Variants in BRSK2 observed in about 807,000 individuals in gnomAD.
BRSK2 encodes the protein BR serine/threonine kinase 2, also known as serine/threonine-protein kinase BRSK2.
A neutral mutation model predicts 83.3 loss-of-function variants in BRSK2; 19 were observed. The ratio of observed to expected loss-of-function variants is 0.23; its 90% CI spans 0.16 to 0.33. The LOEUF is 0.33. Ranked by LOEUF, BRSK2 falls within the 10% of genes least tolerant of loss-of-function variation. The pLI is 1.00. For synonymous variants in BRSK2, 519 were observed against 435.4 expected (o/e 1.19, Z -2.39); for missense variants, 798 against 1,042.3 (o/e 0.77, Z 3.23).
intron 1 of BRSK2, among the ~76,000 whole-genome samples, chr11:1,435,652 T>A (rs1590509478): frequency 9.3e-6 from 1 of 107,064 alleles, no homozygotes; most frequent in East Asian, 2.6e-4. Flanking sequence ...AGGCTGCAGG[T>A]GGGGGTCTCG....
intron 1 of BRSK2, among the ~76,000 whole-genome samples, chr11:1,421,163 C>T (rs545469689): frequency 4.6e-5 from 7 of 152,288 alleles, no homozygotes; most frequent in South Asian, 2.1e-4. Context: ...TCCCAGGCTG[C>T]GCTTCGGAGG....
intron 1 of BRSK2, chr11:1,411,214 G>A: frequency 8.0e-7 from 1 of 1,248,272 alleles, no homozygotes; most frequent in South Asian, 3.7e-5. Flanking sequence ...GGGGAGAGCG[G>A]GTTCTGGACG....
intron 1 of BRSK2, among the ~76,000 whole-genome samples, chr11:1,406,032 C>T (rs1846852724): frequency 3.3e-5 from 5 of 152,182 alleles, no homozygotes. Context: ...AACCTCCCAA[C>T]TCTGTCCCAG....
chr11:1,417,196 T>G (rs1440398010), intron 1 of BRSK2, among the ~76,000 whole-genome samples: 1 of 152,060 alleles, frequency 6.6e-6, no homozygotes, highest in Non-Finnish European at 1.5e-5. Context: ...TTTTCCCTAT[T>G]TGCTCTTTCC....
intron 16 of BRSK2, among the ~76,000 whole-genome samples, chr11:1,455,195 G>A (rs1268318917): frequency 6.6e-6 from 1 of 152,110 alleles, no homozygotes; most frequent in Non-Finnish European, 1.5e-5. Context: ...GCCTCAAATG[G>A]AGAAAGTTTA....
chr11:1,428,340 C>A (rs568405030), intron 1 of BRSK2, among the ~76,000 whole-genome samples: 3 of 152,200 alleles, frequency 2.0e-5, no homozygotes, highest in Non-Finnish European at 2.9e-5. Flanking sequence ...GCAGGCCCAC[C>A]CCCAGTGGCT....
At chr11:1,447,328 C>T (rs1169343269) in intron 12 of BRSK2, among the ~76,000 whole-genome samples, 2 of 152,216 alleles carry the variant, frequency 1.3e-5, no homozygotes, top group African/African-American at 2.4e-5. Context: ...CAGGCCCCAC[C>T]ACCCCACTGC....
chr11:1,459,162 C>A (rs373841584), intron 18 of BRSK2, 30 bp from the exon 19 acceptor site: 109 of 1,609,586 alleles, frequency 6.8e-5, no homozygotes, highest in South Asian at 4.4e-4. Context: ...TCACTCACTC[C>A]CTCCCTCCTC....
chr11:1,452,103 C>A (rs932388628), intron 15 of BRSK2, among the ~76,000 whole-genome samples: 1 of 152,216 alleles, frequency 6.6e-6, no homozygotes, highest in Non-Finnish European at 1.5e-5. Flanking sequence ...CGGCAGAGAG[C>A]GGCGGTCAGG....
chr11:1,459,214 G>A lies in BRSK2; in HGVS notation c.1962G>A (p.Met654Ile). 6.2e-7 allele frequency: 1 copy of A among 1,613,878 alleles called. No individual in the cohort carries two copies. The highest frequency in any genetic ancestry group is 8.5e-7 in the Non-Finnish European group (1 of 1,179,880). The change falls in exon 19 of 20, where the codon ATG (methionine) becomes ATA (isoleucine). Residue 654 changes from methionine to isoleucine, a missense_variant. Met to Ile is a conservative substitution (Grantham distance 10). Coordinates refer to ENST00000528841, the MANE Select transcript of BRSK2 (RefSeq NM_001256627.2). Reference protein sequence around the residue: ...HLSDTTNCMEMMTGRLSKCGS... With the variant: ...HLSDTTNCMEIMTGRLSKCGS... ...CAGACACCACTAACTGTATGGAAATGATGACGGGGCGGCTTTCCAAATGTG... is the reference window on the plus strand; with the variant it reads ...CAGACACCACTAACTGTATGGAAATAATGACGGGGCGGCTTTCCAAATGTG...
At chr11:1,451,466 G>C in intron 15 of BRSK2, 47 bp downstream of exon 15, 1 of 1,596,258 alleles carries the variant, frequency 6.3e-7, no homozygotes, top group Non-Finnish European at 8.6e-7. Context: ...CACCAGGCTG[G>C]CCGGGAGAGG....
chr11:1,460,732 G>GCCCCC lies in BRSK2; in HGVS notation c.*16_*20dup. 2.3e-6 allele frequency: 3 copies of GCCCCC among 1,310,242 alleles called. No individual in the cohort carries two copies. The highest frequency in any genetic ancestry group is 3.0e-6 in the Non-Finnish European group (3 of 1,013,228). The allele number at this position is 1,310,242 out of a possible 1,614,324, so 81.2% of individuals were successfully genotyped here. A position where few individuals can be genotyped will look rare whatever the true frequency, so the allele number is the denominator to read the frequency against. On this transcript the variant is annotated 3_prime_UTR_variant, in exon 20 of 20. Coordinates refer to ENST00000528841, the MANE Select transcript of BRSK2 (RefSeq NM_001256627.2). ...GCCGCGAGCAGCCTTAGACACACTA[G>GCCCCC]CCCCCCCCCCCAGCACAGCACTGAC...
intron 1 of BRSK2, among the ~76,000 whole-genome samples, chr11:1,434,933 G>A (rs893887058): frequency 1.3e-5 from 2 of 151,968 alleles, no homozygotes; most frequent in Non-Finnish European, 2.9e-5. Context: ...GGGTGTGGCC[G>A]GGCTGTCCTG....
chr11:1,461,131 C>A lies in BRSK2; in HGVS notation c.*408C>A. The A allele has an allele frequency of 7.9e-7, 1 of 1,271,418 alleles. No individual in the cohort carries two copies. The highest frequency in any genetic ancestry group is 1.1e-6 in the Non-Finnish European group (1 of 928,928). The allele number at this position is 1,271,418 out of a possible 1,614,324, so 78.8% of individuals were successfully genotyped here. A position where few individuals can be genotyped will look rare whatever the true frequency, so the allele number is the denominator to read the frequency against. ...CCCGCGGCAGCTCCTCGCCTCAGCT[C>A]CGCACGGCCCGTGGGAGGAAGGCCA... is the stretch of plus-strand genomic sequence containing the variant. On this transcript the variant is annotated 3_prime_UTR_variant, in exon 20 of 20. Transcript: ENST00000528841.
At chr11:1,393,276 G>A (rs763019009) in intron 1 of BRSK2, among the ~76,000 whole-genome samples, 12 of 152,082 alleles carry the variant, frequency 7.9e-5, no homozygotes, top group Non-Finnish European at 1.6e-4. Context: ...CCATCAGTAC[G>A]TGGAGCAGGG....
intron 1 of BRSK2, among the ~76,000 whole-genome samples, chr11:1,391,024 C>A (rs1024565755): frequency 6.6e-6 from 1 of 152,144 alleles, no homozygotes; most frequent in Non-Finnish European, 1.5e-5. Flanking sequence ...GGGACCTGAC[C>A]CGTGGAGCAG....
At chr11:1,408,446 C>T (rs1221104685) in intron 1 of BRSK2, among the ~76,000 whole-genome samples, 1 of 152,158 alleles carries the variant, frequency 6.6e-6, no homozygotes, top group Non-Finnish European at 1.5e-5. Flanking sequence ...GGGTGGGGGT[C>T]TTCACACAGC....
rs1010954607 is a variant in BRSK2, at chr11:1,461,353, G to A, written c.*630G>A. On this transcript the variant is annotated 3_prime_UTR_variant, in exon 20 of 20. Coordinates refer to ENST00000528841, the MANE Select transcript of BRSK2 (RefSeq NM_001256627.2). ...AGGCCCGTGCCCCGCCTCCCTGGCTGCGCCGCCTCCGTGTAGTCTTGGCCT... is the reference window on the plus strand; with the variant it reads ...AGGCCCGTGCCCCGCCTCCCTGGCTACGCCGCCTCCGTGTAGTCTTGGCCT... 3 of 337,736 alleles carry A rather than the reference G, an allele frequency of 8.9e-6. No homozygotes were observed. The highest frequency in any genetic ancestry group is 5.1e-5 in the Admixed American group (1 of 19,472). 20.9% of individuals were successfully genotyped at this position (337,736 alleles called of 1,614,324 possible).
chr11:1,392,770 G>A (rs990933338), intron 1 of BRSK2, among the ~76,000 whole-genome samples: 13 of 152,218 alleles, frequency 8.5e-5, no homozygotes, highest in Admixed American at 3.9e-4. Context: ...CGTGAGCGCT[G>A]CATGGTCTCA....
Sources: gnomAD v4.1 joint callset for allele counts (sites outside exome capture counted in the v4.1 genomes callset) on GRCh38, gnomAD v4.1.1 for gene constraint, MANE v1.5 for transcripts, NCBI Gene and HGNC (gene_info 2026-07-23, HGNC 2026-07-21) for gene names.